Variants in NWD2 observed in about 807,000 individuals in gnomAD.
NWD2 encodes NACHT and WD repeat domain-containing protein 2.
In NWD2, 37 loss-of-function variants were observed where a neutral mutation model predicts 132.7. That is an observed-to-expected ratio of 0.28 (90% CI 0.21 to 0.37). The LOEUF (loss-of-function observed/expected upper bound fraction) is 0.37, where lower values mean the gene tolerates loss of function less well. Among genes scored for constraint, NWD2 ranks in the 10% least tolerant of loss-of-function variants. The pLI is 1.00. For synonymous variants in NWD2, 705 were observed against 803.0 expected (o/e 0.88, Z 2.06); for missense variants, 1,592 against 2,122.4 (o/e 0.75, Z 4.91).
In NWD2 at chr4:37,439,337, T is replaced by C; in HGVS notation, c.1243T>C (p.Tyr415His). ...KAGHINPLII[Y>H]GGPCTGKTLL... is the part of the protein sequence containing the mutation. The stretch of plus-strand genomic sequence containing the variant: ...TGGACACATCAACCCTCTTATTATA[T>C]ATGGTGGGCCATGCACTGGGAAGAC... Residue 415 changes from tyrosine (Y) to histidine (H), a missense_variant, in exon 6 of 7, where the codon TAT (tyrosine) becomes CAT (histidine). By Grantham distance (83) the Tyr-to-His change is moderately conservative. Coordinates refer to ENST00000309447, the MANE Select transcript of NWD2 (RefSeq NM_001144990.2). The surrounding 1 kb of genome is among the most constrained non-coding windows in gnomAD (Gnocchi z 4.5). 1 of 1,537,098 alleles carries C rather than the reference T, an allele frequency of 6.5e-7. No individual in the cohort carries two copies. Among genetic ancestry groups the C allele is most frequent in the Non-Finnish European group, 8.8e-7 (1 of 1,141,640 alleles).
chr4:37,363,063 A>C (rs183504693), intron 3 of NWD2, among the ~76,000 whole-genome samples: 1 of 152,374 alleles, frequency 6.6e-6, no homozygotes, highest in East Asian at 1.9e-4. Flanking sequence ...AATGCTTATC[A>C]ACACTAATCA....
intron 3 of NWD2, among the ~76,000 whole-genome samples, chr4:37,396,830 C>A (rs983355721): frequency 6.6e-6 from 1 of 152,068 alleles, no homozygotes; most frequent in East Asian, 1.9e-4. Flanking sequence ...GTCAGGAGTT[C>A]GAGACCAGCC....
chr4:37,283,446 C>A (rs555070698), intron 1 of NWD2, among the ~76,000 whole-genome samples: 1 of 152,152 alleles, frequency 6.6e-6, no homozygotes, highest in Middle Eastern at 3.4e-3. Flanking sequence ...GATTTTAGTT[C>A]TGTCTTATGA....
At chr4:37,420,713 G>T (rs1711783850) in intron 3 of NWD2, among the ~76,000 whole-genome samples, 1 of 151,976 alleles carries the variant, frequency 6.6e-6, no homozygotes, top group Non-Finnish European at 1.5e-5. Context: ...GAAGAAAAAA[G>T]GCACAAAAGG....
At chr4:37,336,313 A>G (rs185610913) in intron 2 of NWD2, among the ~76,000 whole-genome samples, 53 of 152,376 alleles carry the variant, frequency 3.5e-4, no homozygotes, top group African/African-American at 9.4e-4. Context: ...AAAATTATTA[A>G]TGAGGCATTT....
intron 3 of NWD2, among the ~76,000 whole-genome samples, chr4:37,388,695 T>A (rs1720621163): frequency 6.8e-6 from 1 of 147,560 alleles, no homozygotes; most frequent in Non-Finnish European, 1.5e-5. Flanking sequence ...ATATCATATA[T>A]AAATATATGA....
At chr4:37,266,883 G>T (rs1395323921) in intron 1 of NWD2, among the ~76,000 whole-genome samples, 1 of 151,806 alleles carries the variant, frequency 6.6e-6, no homozygotes, top group Non-Finnish European at 1.5e-5. Context: ...GTTGAATTGG[G>T]GTGAAAATAA....
At chr4:37,302,650 C>T (rs1718632756) in intron 1 of NWD2, among the ~76,000 whole-genome samples, 1 of 151,860 alleles carries the variant, frequency 6.6e-6, no homozygotes, top group Non-Finnish European at 1.5e-5. Flanking sequence ...TTGATAATAG[C>T]CATTTTAACT....
chr4:37,321,745 T>C (rs1265591987), intron 1 of NWD2, among the ~76,000 whole-genome samples: 1 of 152,198 alleles, frequency 6.6e-6, no homozygotes, highest in Non-Finnish European at 1.5e-5. Context: ...AATTAATCCA[T>C]TCCTATCTTA....
rs777675760 is a variant in NWD2 at position 37,445,799 on chromosome 4, C to A, written c.3811C>A (p.Gln1271Lys). ...RDTGQCMASL[Q>K]EISGSIVKLV... Reference sequence around the variant, plus strand: ...CACAGGACAGTGTATGGCAAGCTTGCAGGAAATCTCAGGTTCCATTGTTAA... The same window carrying A: ...CACAGGACAGTGTATGGCAAGCTTGAAGGAAATCTCAGGTTCCATTGTTAA... The change falls in exon 7 of 7, where the codon CAG (glutamine) becomes AAG (lysine). Residue 1271 changes from glutamine to lysine, a missense_variant. Around this residue, in one of 7 missense-constraint regions of NWD2, gnomAD observed 1,071 missense variants for 1,398.0 expected, o/e 0.77. Transcript: ENST00000309447. The surrounding 1 kb of genome is among the most constrained non-coding windows in gnomAD (Gnocchi z 4.7). 6.4e-7 allele frequency: 1 copy of A among 1,551,900 alleles called. No homozygotes were observed. The highest frequency in any genetic ancestry group is 2.4e-5 in the East Asian group (1 of 40,914).
At chr4:37,400,896 G>A (rs976938838) in intron 3 of NWD2, among the ~76,000 whole-genome samples, 13 of 152,118 alleles carry the variant, frequency 8.5e-5, no homozygotes, top group African/African-American at 2.9e-4. Flanking sequence ...ACCTTTCAAC[G>A]CAAGACATGG....
chr4:37,245,335 A>C (rs1253522688), intron 1 of NWD2, 117 bp downstream of exon 1: 6 of 1,231,988 alleles, frequency 4.9e-6, no homozygotes, highest in Non-Finnish European at 4.4e-6. Flanking sequence ...CCTCCAGCTA[A>C]AGCCGTGGCC....
chr4:37,272,131 T>A (rs902896523), intron 1 of NWD2, among the ~76,000 whole-genome samples: 1 of 151,858 alleles, frequency 6.6e-6, no homozygotes, highest in African/African-American at 2.4e-5. Flanking sequence ...TAAAGCAACC[T>A]GTTCTTCTTC....
At chr4:37,293,885 TA>T (rs10579771) in intron 1 of NWD2, among the ~76,000 whole-genome samples, 161 of 146,624 alleles carry the variant, frequency 1.1e-3, no homozygotes, top group Middle Eastern at 3.5e-3. Context: ...ACACTGCATT[TA>T]AAAAAAAAAA....
chr4:37,355,883 G>C (rs961562386), intron 2 of NWD2, among the ~76,000 whole-genome samples: 1 of 152,082 alleles, frequency 6.6e-6, no homozygotes, highest in Non-Finnish European at 1.5e-5. Flanking sequence ...TCATATGATA[G>C]AGTGTGATAA....
intron 1 of NWD2, among the ~76,000 whole-genome samples, chr4:37,310,059 G>GA (rs1177101576): frequency 1.3e-5 from 2 of 151,756 alleles, no homozygotes; most frequent in African/African-American, 4.8e-5. Flanking sequence ...TTTCCTGTTA[G>GA]AAAAAAAATC....
Position 37,444,539 on chromosome 4 carries a change from C to T in NWD2, c.2551C>T (p.Leu851Phe). The T allele has an allele frequency of 6.4e-7, 1 of 1,551,784 alleles. No individual in the cohort carries two copies. The highest frequency in any genetic ancestry group is 2.0e-5 in the Admixed American group (1 of 50,992). ...LTRCGKTDDL[L>F]YGIIMNFSWL... ...GAGGTGTGGAAAAACCGATGACCTG[C>T]TTTACGGCATCATCATGAACTTCAG... The change falls in exon 7 of 7, where the codon CTT (leucine) becomes TTT (phenylalanine). Residue 851 changes from leucine to phenylalanine, a missense_variant. Physicochemically the swap from Leu to Phe is conservative, Grantham distance 22. Coordinates refer to ENST00000309447, the MANE Select transcript of NWD2 (RefSeq NM_001144990.2). This position sits in a 1 kb window ranked among gnomAD's most constrained non-coding sequence, Gnocchi z 4.8.
At chr4:37,324,593 G>A (rs1719134152) in intron 1 of NWD2, among the ~76,000 whole-genome samples, 1 of 152,046 alleles carries the variant, frequency 6.6e-6, no homozygotes, top group East Asian at 1.9e-4. Flanking sequence ...ACACCGCATG[G>A]GCCCCGCTTT....
intron 3 of NWD2, among the ~76,000 whole-genome samples, chr4:37,378,314 G>A (rs886088491): frequency 2.0e-4 from 30 of 152,320 alleles, no homozygotes; most frequent in African/African-American, 5.8e-4. Context: ...TTATGGACGA[G>A]TTTAAGTTCA....
Sources: gnomAD v4.1 joint callset for allele counts (sites outside exome capture counted in the v4.1 genomes callset) on GRCh38, gnomAD v4.1.1 for gene constraint, gnomAD v4.1.1 regional missense constraint, Gnocchi (gnomAD v3.1) non-coding constraint, MANE v1.5 for transcripts, NCBI Gene and HGNC (gene_info 2026-07-23, HGNC 2026-07-21) for gene names.